Variants in DOCK2 observed in about 807,000 individuals in gnomAD.
The protein encoded by DOCK2 is dedicator of cytokinesis 2.
In DOCK2, 87 loss-of-function variants were observed where a neutral mutation model predicts 248.9. That is an observed-to-expected ratio of 0.35 (90% confidence interval 0.29 to 0.42). The LOEUF is 0.42. Among genes scored for constraint, DOCK2 ranks in the 10% least tolerant of loss-of-function variants. The pLI is 1.00. For synonymous variants in DOCK2, 805 were observed against 821.6 expected (o/e 0.98, Z 0.35); for missense variants, 1,747 against 2,300.2 (o/e 0.76, Z 4.92).
intron 2 of DOCK2, among the ~76,000 whole-genome samples, chr5:169,661,270 A>G (rs1758432089): frequency 6.6e-6 from 1 of 152,228 alleles, no homozygotes; most frequent in South Asian, 2.1e-4. Flanking sequence ...CAGATCTCCA[A>G]CAAATTCAGA....
intron 27 of DOCK2, among the ~76,000 whole-genome samples, chr5:169,880,682 C>G (rs1772590007): frequency 6.6e-6 from 1 of 152,100 alleles, no homozygotes; most frequent in South Asian, 2.1e-4. Flanking sequence ...GTCTTCATGG[C>G]AACTCTGAAT....
chr5:169,867,015 G>T (rs1053860421), intron 27 of DOCK2, among the ~76,000 whole-genome samples: 5 of 152,200 alleles, frequency 3.3e-5, no homozygotes, highest in African/African-American at 1.2e-4. Flanking sequence ...TGACTGACTA[G>T]CTTCAAGTTG....
At chr5:170,079,959 G>T in intron 49 of DOCK2, 1 of 524,812 alleles carries the variant, frequency 1.9e-6, no homozygotes, top group Non-Finnish European at 3.1e-6. Context: ...CGCCACCCCC[G>T]CCTGTAGTTG....
chr5:169,655,030 C>T (rs116820607), intron 2 of DOCK2, among the ~76,000 whole-genome samples: 1,710 of 152,342 alleles, frequency 0.011, 44 homozygotes, highest in African/African-American at 0.039. Context: ...TACTGGGCTG[C>T]GTCCACCCAT....
intron 26 of DOCK2, among the ~76,000 whole-genome samples, chr5:169,832,079 G>A (rs1769262963): frequency 6.6e-6 from 1 of 152,186 alleles, no homozygotes; most frequent in South Asian, 2.1e-4. Context: ...TTCAGGTTGG[G>A]CCATCTGTGA....
At chr5:169,962,562 G>A (rs111994398) in intron 27 of DOCK2, among the ~76,000 whole-genome samples, 3 of 152,182 alleles carry the variant, frequency 2.0e-5, no homozygotes, top group Admixed American at 2.0e-4. Flanking sequence ...TCTATCACTA[G>A]ATCTGCAAAT....
At chr5:170,057,014 G>T in intron 43 of DOCK2, 1 of 486,122 alleles carries the variant, frequency 2.1e-6, no homozygotes, top group Non-Finnish European at 3.7e-6. Flanking sequence ...TCAACCACAG[G>T]GCATTCAGGC....
At chr5:169,978,401 G>GGA (rs1777807763) in intron 27 of DOCK2, among the ~76,000 whole-genome samples, 1 of 139,348 alleles carries the variant, frequency 7.2e-6, no homozygotes, top group African/African-American at 2.7e-5. Context: ...GTGGGGGGGG[G>GGA]GGGGTGTAGG....
At chr5:169,942,524 A>G (rs977619772) in intron 27 of DOCK2, among the ~76,000 whole-genome samples, 12 of 152,188 alleles carry the variant, frequency 7.9e-5, no homozygotes, top group African/African-American at 2.9e-4. Flanking sequence ...ATTTGCAAGG[A>G]TCTATTTCCA....
intron 5 of DOCK2, among the ~76,000 whole-genome samples, chr5:169,672,421 C>A (rs1466857008): frequency 6.6e-6 from 1 of 152,222 alleles, no homozygotes; most frequent in Non-Finnish European, 1.5e-5. Flanking sequence ...GATCCTTCAA[C>A]ATCTAGTACT....
chr5:169,794,932 C>A (rs1766556751), intron 25 of DOCK2, among the ~76,000 whole-genome samples: 1 of 152,106 alleles, frequency 6.6e-6, no homozygotes, highest in African/African-American at 2.4e-5. Flanking sequence ...CAAACAAACA[C>A]ACAAAAAAGT....
chr5:169,868,766 G>C lies in DOCK2; in HGVS notation c.2799+27914G>C, dbSNP rs528941697. The stretch of plus-strand genomic sequence containing the variant: ...GATTGAGTTGTCCCCATCTCAAAAA[G>C]AAAATGATATTAATGCTCTGGATGA... On this transcript the variant is annotated intron_variant, in intron 27 of 51. Coordinates refer to ENST00000520908, the MANE Select transcript of DOCK2 (RefSeq NM_004946.3). 3.0e-4 allele frequency among the ~76,000 whole-genome samples: 45 copies of C among 152,236 alleles called. No homozygotes were observed. In the South Asian group the frequency reaches 4.4e-3, roughly 15 times the overall value.
intron 38 of DOCK2, 143 bp downstream of exon 38, chr5:170,042,275 C>A: frequency 9.2e-7 from 1 of 1,086,818 alleles, no homozygotes; most frequent in Non-Finnish European, 1.3e-6. Flanking sequence ...CACTTCCTCT[C>A]CATCTCCATT....
chr5:169,887,228 G>A lies in DOCK2; in HGVS notation c.2799+46376G>A, dbSNP rs369566148. Among the ~76,000 whole-genome samples the A allele has an allele frequency of 4.9e-4, 75 of 152,304 alleles. 1 individual carries two copies. Among genetic ancestry groups the A allele is most frequent in the African/African-American group, 1.6e-3 (67 of 41,580 alleles). ...TCTGAAAGTCAGTCATTATTCTGGT[G>A]TTAGCCCTGCCTTTTCTCCAGGAAG... On this transcript the variant is annotated intron_variant, in intron 27 of 51. Coordinates refer to ENST00000520908, the MANE Select transcript of DOCK2 (RefSeq NM_004946.3).
chr5:169,820,789 G>C (rs1212807319), intron 26 of DOCK2, among the ~76,000 whole-genome samples: 1 of 152,244 alleles, frequency 6.6e-6, no homozygotes, highest in Non-Finnish European at 1.5e-5. Flanking sequence ...GACGAGCTGA[G>C]AGAAGAAGGC....
chr5:169,797,023 A>G (rs1766694404), intron 25 of DOCK2, among the ~76,000 whole-genome samples: 1 of 152,232 alleles, frequency 6.6e-6, no homozygotes, highest in African/African-American at 2.4e-5. Flanking sequence ...TGCAGGGAGC[A>G]GGTAGGGTGG....
intron 25 of DOCK2, among the ~76,000 whole-genome samples, chr5:169,767,047 C>T (rs774394347): frequency 6.6e-6 from 1 of 152,198 alleles, no homozygotes; most frequent in Non-Finnish European, 1.5e-5. Context: ...TGGGCCACTG[C>T]GCTTGGCCAA....
In DOCK2 at chr5:169,674,450, C is replaced by A; in HGVS notation, c.470+5C>A. ...CAAAATTGACTATGGCAACAAGTAA[C>A]CTCTCTTTCCTCTGCAAAGAGGTTT... On this transcript the variant is annotated splice_donor_5th_base_variant and intron_variant, in intron 6 of 51. Transcript: ENST00000520908. 1 of 1,613,978 alleles carries A rather than the reference C, an allele frequency of 6.2e-7. No homozygotes were observed. The highest frequency in any genetic ancestry group is 8.5e-7 in the Non-Finnish European group (1 of 1,179,904).
chr5:169,888,396 C>T (rs1773096280), intron 27 of DOCK2, among the ~76,000 whole-genome samples: 1 of 152,218 alleles, frequency 6.6e-6, no homozygotes, highest in Non-Finnish European at 1.5e-5. Flanking sequence ...TATTACTGAT[C>T]TTTGCAACAC....
Sources: gnomAD v4.1 joint callset for allele counts (sites outside exome capture counted in the v4.1 genomes callset) on GRCh38, gnomAD v4.1.1 for gene constraint, MANE v1.5 for transcripts, NCBI Gene and HGNC (gene_info 2026-07-23, HGNC 2026-07-21) for gene names.